TRIM24: variants seen among roughly 807,000 people sequenced by gnomAD.
The protein encoded by TRIM24 is transcription intermediary factor 1-alpha.
Under a neutral mutation model 123.9 loss-of-function variants are expected in TRIM24, and 29 were observed. The observed-to-expected ratio is 0.23, with a 90% CI of 0.17 to 0.32. The LOEUF is 0.32. Among genes scored for constraint, TRIM24 ranks in the 10% least tolerant of loss-of-function variants. TRIM24 has a pLI of 1.00. For missense variants in TRIM24, 932 were observed against 1,295.3 expected (o/e 0.72, Z 4.31); for synonymous variants, 456 against 461.1 (o/e 0.99, Z 0.14).
chr7:138,476,108 G>A, intron 1 of TRIM24, among the ~76,000 whole-genome samples: 1 of 152,076 alleles, frequency 6.6e-6, no homozygotes, highest in East Asian at 1.9e-4. Context: ...AATAATAGAA[G>A]ACCTAAAATC....
chr7:138,476,821 C>CA (rs1457941884), intron 1 of TRIM24, among the ~76,000 whole-genome samples: 15 of 151,498 alleles, frequency 9.9e-5, no homozygotes, highest in Admixed American at 6.6e-5. Context: ...GATACAAATG[C>CA]AAAATAATAA....
intron 6 of TRIM24, among the ~76,000 whole-genome samples, chr7:138,532,180 A>G (rs1316244902): frequency 6.6e-6 from 1 of 151,600 alleles, no homozygotes; most frequent in African/African-American, 2.4e-5. Context: ...GTTCACTCTG[A>G]TGGTAGTTTC....
At chr7:138,580,878 C>G (rs563668474) in intron 16 of TRIM24, among the ~76,000 whole-genome samples, 184 bp downstream of exon 16, 9 of 151,938 alleles carry the variant, frequency 5.9e-5, no homozygotes, top group Non-Finnish European at 1.2e-4. Context: ...AAAAAAATCA[C>G]AGAATTAATG....
At chr7:138,465,326 T>G (rs1392969542) in intron 1 of TRIM24, among the ~76,000 whole-genome samples, 1 of 152,208 alleles carries the variant, frequency 6.6e-6, no homozygotes, top group African/African-American at 2.4e-5. Context: ...GGCAAAACTT[T>G]AGGAAATGGA....
intron 5 of TRIM24, among the ~76,000 whole-genome samples, chr7:138,526,099 A>G (rs2116578211): frequency 6.6e-6 from 1 of 152,336 alleles, no homozygotes; most frequent in East Asian, 1.9e-4. Context: ...CACTGCCTAA[A>G]TAAGTCAAGA....
chr7:138,563,280 C>T (rs867134062), intron 9 of TRIM24, among the ~76,000 whole-genome samples: 61 of 152,300 alleles, frequency 4.0e-4, no homozygotes, highest in Middle Eastern at 3.4e-3. Context: ...TGACTGGTGG[C>T]ATTTTTGTTT....
rs1315918654 is a variant in TRIM24 at position 138,538,700 on chromosome 7, A to T, written c.1040A>T (p.Gln347Leu). ...DHRMKLMQQQ[Q>L]EVAGLSKQLE... is the part of the protein sequence containing the mutation. ...CGCATGAAACTTATGCAACAACAAC[A>T]GGAAGTGGCTGGACTCTCTAAACAA... Residue 347 changes from glutamine (Q) to leucine (L), a missense_variant, in exon 7 of 19, where the codon CAG becomes CTG. Physicochemically the swap from Gln to Leu is moderately radical, Grantham distance 113 (BLOSUM62 -2). This residue lies in a region of TRIM24 where 527 missense variants were observed against 691.3 expected (regional missense o/e 0.76). Coordinates refer to ENST00000343526, the MANE Select transcript of TRIM24 (RefSeq NM_015905.3). The T allele has an allele frequency of 6.2e-7, 1 of 1,614,028 alleles. No homozygotes were observed. The highest frequency in any genetic ancestry group is 8.5e-7 in the Non-Finnish European group (1 of 1,180,002).
Position 138,460,300 on chromosome 7 carries a change from T to TACCCC in TRIM24, c.-249_-248insACCCC, listed in dbSNP as rs1794927787. ...TCGGCGGTTGGCGAAGCGGACGGGG[T>TACCCC]GCAGCCTCCCCGGTGCGAGGAACGG... On this transcript the variant is annotated 5_prime_UTR_variant, in exon 1 of 19. Coordinates refer to ENST00000343526, the MANE Select transcript of TRIM24 (RefSeq NM_015905.3). The TACCCC allele has an allele frequency of 7.8e-6, 3 of 384,542 alleles. No homozygotes were observed. The East Asian group carries it at 1.1e-4, about 14-fold the overall frequency. 23.8% of individuals were successfully genotyped at this position (384,542 alleles called of 1,614,324 possible). A position where few individuals can be genotyped will look rare whatever the true frequency, so the allele number is the denominator to read the frequency against.
chr7:138,463,597 T>C (rs975969950), intron 1 of TRIM24, among the ~76,000 whole-genome samples: 2 of 152,174 alleles, frequency 1.3e-5, no homozygotes, highest in African/African-American at 4.8e-5. Flanking sequence ...TTGTGCATGA[T>C]TATAGAATTA....
intron 4 of TRIM24, among the ~76,000 whole-genome samples, chr7:138,523,509 A>G (rs950331145): frequency 6.6e-6 from 1 of 152,162 alleles, no homozygotes; most frequent in Non-Finnish European, 1.5e-5. Context: ...TAATCCCAGC[A>G]CCTGGGGAGG....
chr7:138,529,361 G>T, intron 6 of TRIM24, 131 bp downstream of exon 6: 1 of 444,916 alleles, frequency 2.2e-6, no homozygotes, highest in Non-Finnish European at 3.9e-6. Flanking sequence ...CCACTCCCAA[G>T]TTTTCCTTTG....
At chr7:138,520,020 GCACAAAATA>G (rs1053055731) in intron 4 of TRIM24, among the ~76,000 whole-genome samples, 28 of 152,280 alleles carry the variant, frequency 1.8e-4, no homozygotes, top group African/African-American at 6.7e-4. Flanking sequence ...TAGAAAACCT[GCACAAAATA>G]CAGAAATTGT....
At chr7:138,565,631 G>C (rs1056623707) in intron 9 of TRIM24, among the ~76,000 whole-genome samples, 1 of 152,204 alleles carries the variant, frequency 6.6e-6, no homozygotes, top group Non-Finnish European at 1.5e-5. Context: ...GGACTGGAGA[G>C]ACCAATAGGT....
rs142839380 is a variant in TRIM24 at position 138,578,532 on chromosome 7, T to TTGTG, written c.2257-643_2257-640dup. Among the ~76,000 whole-genome samples the TTGTG allele has an allele frequency of 1.9e-3, 279 of 146,874 alleles. 1 individual carries two copies. The highest frequency in any genetic ancestry group is 4.6e-3 in the African/African-American group (185 of 40,018). ...GGGGTGAATGGTGGTGGTGGTGGTT[T>TTGTG]TGTGTGTGTGTGTGTGTGTGTGTGT... is the stretch of plus-strand genomic sequence containing the variant. On this transcript the variant is annotated intron_variant, in intron 14 of 18. Transcript: ENST00000343526.
intron 8 of TRIM24, among the ~76,000 whole-genome samples, chr7:138,553,649 A>G (rs572937370): frequency 6.6e-6 from 1 of 152,214 alleles, no homozygotes; most frequent in Non-Finnish European, 1.5e-5. Flanking sequence ...AGGAAACTTG[A>G]GAGATCACAA....
At chr7:138,487,977 CT>C (rs1301791865) in intron 1 of TRIM24, among the ~76,000 whole-genome samples, 2 of 152,110 alleles carry the variant, frequency 1.3e-5, no homozygotes, top group Non-Finnish European at 1.5e-5. Context: ...TGGTCCTGGA[CT>C]TTTTTTCGTT....
At chr7:138,559,995 C>T (rs1194785171) in intron 9 of TRIM24, among the ~76,000 whole-genome samples, 2 of 152,278 alleles carry the variant, frequency 1.3e-5, no homozygotes, top group Middle Eastern at 3.4e-3. Context: ...GGTTAATTCC[C>T]CTAGTTCATG....
intron 14 of TRIM24, among the ~76,000 whole-genome samples, chr7:138,578,804 A>C (rs1797829136): frequency 6.6e-6 from 1 of 152,054 alleles, no homozygotes; most frequent in African/African-American, 2.4e-5. Context: ...CATTTGAAGG[A>C]GATTGTTTTT....
chr7:138,472,145 A>C (rs1473392284), intron 1 of TRIM24, among the ~76,000 whole-genome samples: 1 of 152,156 alleles, frequency 6.6e-6, no homozygotes, highest in Non-Finnish European at 1.5e-5. Context: ...ACAACTCTGA[A>C]GTGGGGAGGA....
Sources: gnomAD v4.1 joint callset for allele counts (sites outside exome capture counted in the v4.1 genomes callset) on GRCh38, gnomAD v4.1.1 for gene constraint, gnomAD v4.1.1 regional missense constraint, MANE v1.5 for transcripts, NCBI Gene and HGNC (gene_info 2026-07-23, HGNC 2026-07-21) for gene names.